The following DOCK3 variants were observed in gnomAD, a reference collection of about 807,000 sequenced individuals.
DOCK3 encodes the protein dedicator of cytokinesis 3.
In DOCK3, 60 loss-of-function variants were observed where a neutral mutation model predicts 265.6. That is an observed-to-expected ratio of 0.23 (90% CI 0.18 to 0.28). The LOEUF is 0.28. Ranked by LOEUF, DOCK3 falls within the 10% of genes least tolerant of loss-of-function variation. The pLI is 1.00. For missense variants in DOCK3, 1,981 were observed against 2,594.3 expected (o/e 0.76, Z 5.14); for synonymous variants, 881 against 938.0 (o/e 0.94, Z 1.11).
intron 9 of DOCK3, among the ~76,000 whole-genome samples, chr3:51,094,239 G>A (rs1179862885): frequency 6.6e-6 from 1 of 152,164 alleles, no homozygotes; most frequent in Non-Finnish European, 1.5e-5. Context: ...GTTTCAAAAG[G>A]AATGGTACCA....
intron 2 of DOCK3, among the ~76,000 whole-genome samples, chr3:50,782,161 G>A (rs185168774): frequency 2.0e-5 from 3 of 152,182 alleles, no homozygotes; most frequent in Non-Finnish European, 2.9e-5. Context: ...TTGATGGGTC[G>A]AATGGCAGTT....
intron 2 of DOCK3, among the ~76,000 whole-genome samples, chr3:50,824,505 A>T (rs776286697): frequency 2.0e-5 from 3 of 152,186 alleles, no homozygotes; most frequent in Non-Finnish European, 4.4e-5. Context: ...AATGATGTAG[A>T]TAACTTAAGT....
chr3:51,173,638 C>A (rs2086797523), intron 12 of DOCK3, among the ~76,000 whole-genome samples: 1 of 152,178 alleles, frequency 6.6e-6, no homozygotes, highest in Non-Finnish European at 1.5e-5. Context: ...CTGAATATAT[C>A]ATACCACTTT....
At chr3:51,333,089 G>T in intron 34 of DOCK3, 62 bp downstream of exon 34, 2 of 1,613,888 alleles carry the variant, frequency 1.2e-6, no homozygotes, top group Non-Finnish European at 1.7e-6. Context: ...ATGGGCTCTT[G>T]GACTTCACTC....
chr3:50,753,327 G>T lies in DOCK3; in HGVS notation c.38-25348G>T, dbSNP rs955206243. Among the ~76,000 whole-genome samples, 3 of 151,982 alleles carry T rather than the reference G, an allele frequency of 2.0e-5. No homozygotes were observed. The South Asian group carries it at 6.2e-4, about 32-fold the overall frequency. On this transcript the variant is annotated intron_variant, in intron 1 of 52. Transcript: ENST00000266037. ...TATAAATAGATATTGCCAAATACTG[G>T]TGTCACTCCATAGGTGAATTTTTCT...
chr3:50,836,552 G>A (rs1479552491), intron 2 of DOCK3, among the ~76,000 whole-genome samples: 1 of 152,192 alleles, frequency 6.6e-6, no homozygotes, highest in African/African-American at 2.4e-5. Flanking sequence ...TCCTTAGGCT[G>A]CACACAGCAG....
intron 46 of DOCK3, among the ~76,000 whole-genome samples, chr3:51,360,046 T>G (rs1214064696): frequency 6.6e-6 from 1 of 152,244 alleles, no homozygotes; most frequent in Non-Finnish European, 1.5e-5. Flanking sequence ...CCCCGTAGAC[T>G]GTGTCACAGA....
chr3:51,366,979 G>T (rs1217542192), intron 49 of DOCK3, among the ~76,000 whole-genome samples: 2 of 152,212 alleles, frequency 1.3e-5, no homozygotes, highest in Non-Finnish European at 2.9e-5. Flanking sequence ...ATTTGGGGTG[G>T]AGAGTTCTGT....
intron 40 of DOCK3, among the ~76,000 whole-genome samples, chr3:51,353,619 A>C (rs1472954043): frequency 6.6e-6 from 1 of 152,130 alleles, no homozygotes; most frequent in African/African-American, 2.4e-5. Context: ...TCTCAAAAAA[A>C]CAAAAAAACA....
chr3:50,810,645 A>T (rs2043695627), intron 2 of DOCK3, among the ~76,000 whole-genome samples: 1 of 152,204 alleles, frequency 6.6e-6, no homozygotes, highest in Non-Finnish European at 1.5e-5. Flanking sequence ...ACAACTTTGT[A>T]AAAAAGTTGA....
At chr3:51,033,608 A>T (rs145848902) in intron 5 of DOCK3, among the ~76,000 whole-genome samples, 4 of 152,220 alleles carry the variant, frequency 2.6e-5, no homozygotes, top group Non-Finnish European at 5.9e-5. Flanking sequence ...GTTTTGACAG[A>T]CATTGAGTGG....
chr3:51,333,976 G>T (rs1279630653), intron 35 of DOCK3, among the ~76,000 whole-genome samples: 1 of 151,926 alleles, frequency 6.6e-6, no homozygotes, highest in Non-Finnish European at 1.5e-5. Flanking sequence ...GAGTAGCTGG[G>T]GCTACAAGCT....
intron 5 of DOCK3, among the ~76,000 whole-genome samples, chr3:51,018,176 G>A (rs2079432735): frequency 6.6e-6 from 1 of 151,884 alleles, no homozygotes; most frequent in Non-Finnish European, 1.5e-5. Flanking sequence ...ACAGGTGTGA[G>A]CCACTGCTGG....
At chr3:50,819,243 A>G (rs1264203923) in intron 2 of DOCK3, among the ~76,000 whole-genome samples, 6 of 151,640 alleles carry the variant, frequency 4.0e-5, no homozygotes, top group Non-Finnish European at 8.8e-5. Flanking sequence ...GAGCATTTCC[A>G]TTTTCCACCT....
At chr3:50,827,842 A>G (rs984445870) in intron 2 of DOCK3, among the ~76,000 whole-genome samples, 4 of 151,968 alleles carry the variant, frequency 2.6e-5, no homozygotes, top group African/African-American at 9.7e-5. Flanking sequence ...TTTTCCTTGA[A>G]TTAACCCAGC....
At chr3:50,902,979 T>C (rs1349868651) in intron 4 of DOCK3, among the ~76,000 whole-genome samples, 1 of 152,170 alleles carries the variant, frequency 6.6e-6, no homozygotes, top group African/African-American at 2.4e-5. Flanking sequence ...TGCTTGCCTG[T>C]TGTTGGTGTA....
intron 27 of DOCK3, among the ~76,000 whole-genome samples, chr3:51,281,305 A>ATATATATATATATATT (rs1491189823): frequency 1.5e-5 from 2 of 132,738 alleles, no homozygotes; most frequent in African/African-American, 5.5e-5. Flanking sequence ...ATATATATAT[A>ATATATATATATATATT]TCTCATAATA....
At chr3:50,967,297 A>G (rs1354163666) in intron 5 of DOCK3, among the ~76,000 whole-genome samples, 1 of 152,126 alleles carries the variant, frequency 6.6e-6, no homozygotes, top group Non-Finnish European at 1.5e-5. Context: ...GGTGTATTTC[A>G]CTTAACATAA....
intron 2 of DOCK3, chr3:50,788,138 A>G (rs1294170071): frequency 2.6e-6 from 2 of 763,494 alleles, no homozygotes; most frequent in Non-Finnish European, 4.2e-6. Flanking sequence ...CCTTTGTTAC[A>G]CTTTGGTGGA....
Sources: gnomAD v4.1 joint callset for allele counts (sites outside exome capture counted in the v4.1 genomes callset) on GRCh38, gnomAD v4.1.1 for gene constraint, MANE v1.5 for transcripts, NCBI Gene and HGNC (gene_info 2026-07-23, HGNC 2026-07-21) for gene names.